The following TPTE variants were observed in gnomAD, a reference collection of about 807,000 sequenced individuals.
The protein encoded by TPTE is putative tyrosine-protein phosphatase TPTE.
TPTE carries 59 observed loss-of-function variants against 84.1 expected under a neutral mutation model. The observed-to-expected ratio is 0.70, with a 90% CI of 0.57 to 0.87. The LOEUF (loss-of-function observed/expected upper bound fraction) is 0.87, where lower values mean the gene tolerates loss of function less well. Among genes scored for constraint, TPTE ranks in the 40% least tolerant of loss-of-function variants. The pLI, the probability that TPTE is intolerant of heterozygous loss-of-function variation, is 0.00. For missense variants in TPTE, 382 were observed against 659.6 expected, an observed-to-expected ratio of 0.58 and a Z score of 4.61; for synonymous variants, 130 against 223.5, an observed-to-expected ratio of 0.58 and a Z score of 3.73.
intron 3 of TPTE, among the ~76,000 whole-genome samples, chr21:10,528,495 C>G (rs533337642): frequency 6.6e-6 from 1 of 152,306 alleles, no homozygotes; most frequent in African/African-American, 2.4e-5. Flanking sequence ...TTTTGTTGTT[C>G]AAATAAGTTG....
chr21:10,582,122 A>AC (rs1392462097), intron 17 of TPTE, among the ~76,000 whole-genome samples: 3 of 152,422 alleles, frequency 2.0e-5, no homozygotes, highest in Admixed American at 6.5e-5. Context: ...TATGAAATTC[A>AC]CCCCCCTATA....
chr21:10,526,291 A>G (rs2145573646), intron 2 of TPTE, among the ~76,000 whole-genome samples: 1 of 152,302 alleles, frequency 6.6e-6, no homozygotes, highest in East Asian at 1.9e-4. Flanking sequence ...GAACTCTGGC[A>G]CTCCTTTCCT....
intron 18 of TPTE, among the ~76,000 whole-genome samples, chr21:10,591,994 T>G (rs2075485875): frequency 6.6e-6 from 1 of 152,304 alleles, no homozygotes; most frequent in African/African-American, 2.4e-5. Context: ...GAAACCCCTA[T>G]AGCTACTAAA....
At chr21:10,560,761 T>A (rs964166747) in intron 9 of TPTE, among the ~76,000 whole-genome samples, 1 of 152,304 alleles carries the variant, frequency 6.6e-6, no homozygotes, top group Non-Finnish European at 1.5e-5. Context: ...TACTTTTCTC[T>A]CTTGAGGTGT....
chr21:10,543,115 T>C lies in TPTE; in HGVS notation c.120-214T>C, dbSNP rs1373511176. Among the ~76,000 whole-genome samples the C allele has an allele frequency of 1.8e-4, 24 of 131,022 alleles. 1 individual carries two copies. Among genetic ancestry groups the C allele is most frequent in the Non-Finnish European group, 3.4e-4 (22 of 65,420 alleles). The allele number at this position is 131,022 out of a possible 152,430, so 86.0% of individuals were successfully genotyped here. On this transcript the variant is annotated intron_variant, in intron 6 of 23. Transcript: ENST00000618007. The stretch of plus-strand genomic sequence containing the variant: ...CGCAATCTCGGCTCACTGCAAGCTC[T>C]GCTTCCCGGGTTCACGCCATTCTCC...
intron 7 of TPTE, among the ~76,000 whole-genome samples, chr21:10,546,705 C>G (rs895159991): frequency 6.6e-6 from 1 of 152,312 alleles, no homozygotes; most frequent in South Asian, 2.1e-4. Flanking sequence ...AGGATCAAAC[C>G]GGCCACAGCA....
At chr21:10,525,636 C>A (rs1418766879) in intron 2 of TPTE, among the ~76,000 whole-genome samples, 3 of 152,304 alleles carry the variant, frequency 2.0e-5, no homozygotes, top group African/African-American at 7.2e-5. Flanking sequence ...CTAACTCAAA[C>A]TTCTGTGGTT....
chr21:10,593,497 A>G (rs1358775232), intron 19 of TPTE, among the ~76,000 whole-genome samples: 2 of 152,302 alleles, frequency 1.3e-5, no homozygotes, highest in Non-Finnish European at 2.9e-5. Context: ...ATTTTTTATT[A>G]CTTGTAATTT....
intron 20 of TPTE, among the ~76,000 whole-genome samples, chr21:10,596,363 C>T (rs2075589285): frequency 6.6e-6 from 1 of 152,312 alleles, no homozygotes; most frequent in African/African-American, 2.4e-5. Flanking sequence ...CCTCTGGTCT[C>T]AACCCAGGCG....
chr21:10,562,366 A>G (rs1046576483), intron 10 of TPTE, among the ~76,000 whole-genome samples: 1 of 152,308 alleles, frequency 6.6e-6, no homozygotes, highest in Non-Finnish European at 1.5e-5. Context: ...AACATCTGCT[A>G]GCATCAACAC....
At chr21:10,527,253 A>G (rs2074097346) in intron 2 of TPTE, 102 bp from the exon 3 acceptor site, 1 of 152,708 alleles carries the variant, frequency 6.5e-6, no homozygotes, top group Non-Finnish European at 1.5e-5. Flanking sequence ...AATTCCTCCG[A>G]TTTTATTTTT....
intron 3 of TPTE, among the ~76,000 whole-genome samples, chr21:10,533,941 T>G (rs2074224525): frequency 6.6e-6 from 1 of 152,312 alleles, no homozygotes. Context: ...GGAAGTGAGG[T>G]CCAGAAACAG....
intron 8 of TPTE, 31 bp downstream of exon 8, chr21:10,552,747 G>A (rs777918427): frequency 6.2e-7 from 1 of 1,613,650 alleles, no homozygotes; most frequent in African/African-American, 1.3e-5. Context: ...AAAGGAGGGA[G>A]CCATTGATGG....
At chr21:10,569,614 A>G (rs1307846084) in intron 12 of TPTE, 69 bp from the exon 13 acceptor site, 8 of 1,613,820 alleles carry the variant, frequency 5.0e-6, no homozygotes, top group Middle Eastern at 1.7e-4. Context: ...TGATATCTAT[A>G]CTGTATAATG....
chr21:10,527,258 A>T, intron 2 of TPTE, 97 bp from the exon 3 acceptor site: 1 of 152,776 alleles, frequency 6.5e-6, no homozygotes, highest in Non-Finnish European at 1.5e-5. Flanking sequence ...CTCCGATTTT[A>T]TTTTTTGTGT....
chr21:10,561,465 C>T (rs922866050), intron 10 of TPTE, among the ~76,000 whole-genome samples: 1 of 150,278 alleles, frequency 6.7e-6, no homozygotes. Context: ...GCACTCTAGC[C>T]TGGGTGACAG....
At chr21:10,592,805 G>GGTGTGTGTGTGTGTGTGTGTGTGT (rs4041809) in intron 19 of TPTE, among the ~76,000 whole-genome samples, 21 of 148,888 alleles carry the variant, frequency 1.4e-4, no homozygotes, top group African/African-American at 4.7e-4. Flanking sequence ...GATGACTCCT[G>GGTGTGTGTGTGTGTGTGTGTGTGT]GTGTGTGTGT....
At chr21:10,576,838 C>CATACAT (rs1555815358) in intron 14 of TPTE, among the ~76,000 whole-genome samples, 21 of 135,968 alleles carry the variant, frequency 1.5e-4, no homozygotes, top group Non-Finnish European at 2.0e-4. Context: ...TACATATATA[C>CATACAT]ATATATATAT....
chr21:10,585,241 C>CAAAAAAAAAAA (rs61644136), intron 17 of TPTE, among the ~76,000 whole-genome samples: 2 of 144,202 alleles, frequency 1.4e-5, no homozygotes, highest in African/African-American at 2.5e-5. Context: ...AAAAATGAAA[C>CAAAAAAAAAAA]AAAAAAAAAA....
Sources: gnomAD v4.1 joint callset for allele counts (sites outside exome capture counted in the v4.1 genomes callset) on GRCh38, gnomAD v4.1.1 for gene constraint, MANE v1.5 for transcripts, NCBI Gene and HGNC (gene_info 2026-07-23, HGNC 2026-07-21) for gene names.